Variants in LRRTM4 observed in about 807,000 individuals in gnomAD.
LRRTM4 encodes leucine rich repeat transmembrane neuronal 4, also known as leucine-rich repeat transmembrane neuronal protein 4.
LRRTM4 carries 25 observed loss-of-function variants against 47.6 expected under a neutral mutation model. The observed-to-expected ratio is 0.53, with a 90% confidence interval of 0.38 to 0.73. LRRTM4 has a LOEUF of 0.73. LRRTM4 is among the 30% of genes least tolerant of loss of function. The probability of loss-of-function intolerance (pLI) is 0.00; values close to 1 mark genes in which losing one functional copy is unlikely to be tolerated. For synonymous variants in LRRTM4, 311 were observed against 269.5 expected (o/e 1.15, Z -1.51); for missense variants, 638 against 713.4 (o/e 0.89, Z 1.20).
intron 3 of LRRTM4, among the ~76,000 whole-genome samples, chr2:77,311,089 A>C (rs1420522772): frequency 1.3e-5 from 2 of 152,146 alleles, no homozygotes; most frequent in African/African-American, 4.8e-5. Context: ...GACCTAAAAT[A>C]GACTTTTAAA....
intron 3 of LRRTM4, among the ~76,000 whole-genome samples, chr2:76,806,588 T>C (rs1558666641): frequency 2.9e-5 from 4 of 137,062 alleles, no homozygotes; most frequent in Admixed American, 2.2e-4. Context: ...TCTCAAAACA[T>C]TTTTTTTAAA....
At chr2:77,504,707 G>A (rs1678702122) in intron 3 of LRRTM4, among the ~76,000 whole-genome samples, 1 of 151,438 alleles carries the variant, frequency 6.6e-6, no homozygotes, top group Non-Finnish European at 1.5e-5. Flanking sequence ...CAGACTCAAG[G>A]AGCTGACATC....
intron 3 of LRRTM4, among the ~76,000 whole-genome samples, chr2:77,345,133 A>C (rs1671515812): frequency 6.6e-6 from 1 of 151,712 alleles, no homozygotes; most frequent in African/African-American, 2.4e-5. Flanking sequence ...AAATAGTTTA[A>C]AAGAATAAAA....
intron 3 of LRRTM4, among the ~76,000 whole-genome samples, chr2:76,889,210 T>A (rs1333724405): frequency 6.6e-6 from 1 of 151,988 alleles, no homozygotes; most frequent in Non-Finnish European, 1.5e-5. Context: ...GTTATCTTGA[T>A]CGCCATTTTA....
intron 3 of LRRTM4, among the ~76,000 whole-genome samples, chr2:77,340,246 A>T (rs1671323625): frequency 6.6e-6 from 1 of 151,860 alleles, no homozygotes; most frequent in Non-Finnish European, 1.5e-5. Context: ...GTGGTGGTTG[A>T]GAACCTGGCT....
At chr2:77,500,174 A>G (rs1272919309) in intron 3 of LRRTM4, among the ~76,000 whole-genome samples, 1 of 151,716 alleles carries the variant, frequency 6.6e-6, no homozygotes, top group African/African-American at 2.4e-5. Context: ...ATGTTCTTGG[A>G]CCAAATCACC....
At chr2:76,945,981 A>G (rs1675309996) in intron 3 of LRRTM4, among the ~76,000 whole-genome samples, 1 of 151,924 alleles carries the variant, frequency 6.6e-6, no homozygotes, top group Admixed American at 6.6e-5. Flanking sequence ...TAAAATAGCC[A>G]TGATATTTTA....
chr2:77,309,203 A>T (rs1677377077), intron 3 of LRRTM4, among the ~76,000 whole-genome samples: 1 of 152,178 alleles, frequency 6.6e-6, no homozygotes, highest in South Asian at 2.1e-4. Context: ...TGCACTTTCA[A>T]ATAACATTAG....
chr2:77,160,327 G>C (rs1198459803), intron 3 of LRRTM4, among the ~76,000 whole-genome samples: 2 of 152,076 alleles, frequency 1.3e-5, no homozygotes, highest in Non-Finnish European at 2.9e-5. Flanking sequence ...CTCTCTTCCA[G>C]AGCATTGACA....
At chr2:77,050,264 T>C (rs998916104) in intron 3 of LRRTM4, among the ~76,000 whole-genome samples, 1 of 151,928 alleles carries the variant, frequency 6.6e-6, no homozygotes, top group Non-Finnish European at 1.5e-5. Flanking sequence ...TATTCCTGCA[T>C]GGCAACCATG....
Position 77,017,420 on chromosome 2 carries a change from CTTTTT to C in LRRTM4, c.1552-268509_1552-268505del, listed in dbSNP as rs142555253. Among the ~76,000 whole-genome samples, 1,316 of 152,246 alleles carry C rather than the reference CTTTTT, an allele frequency of 8.6e-3. 18 individuals carry two copies. Among genetic ancestry groups the C allele is most frequent in the African/African-American group, 0.029 (1,204 of 41,562 alleles). Reference sequence around the variant, plus strand: ...ACATCTCCTTTTCCATTTATCTTTTCTTTTTAATTTTAAGAAAACTATAAAAGAAT... The same window carrying C: ...ACATCTCCTTTTCCATTTATCTTTTCAATTTTAAGAAAACTATAAAAGAAT... On this transcript the variant is annotated intron_variant, in intron 3 of 3. Coordinates refer to ENST00000409884, the MANE Select transcript of LRRTM4 (RefSeq NM_001134745.3).
intron 3 of LRRTM4, among the ~76,000 whole-genome samples, chr2:77,385,143 T>C (rs1673213793): frequency 6.6e-6 from 1 of 152,194 alleles, no homozygotes; most frequent in African/African-American, 2.4e-5. Flanking sequence ...TCACAGTGAA[T>C]ATCTGTAGGC....
intron 3 of LRRTM4, among the ~76,000 whole-genome samples, chr2:76,968,383 T>TATACATATATATATATATATATACACAC (rs797010446): frequency 9.0e-6 from 1 of 111,428 alleles, no homozygotes; most frequent in African/African-American, 3.3e-5. Context: ...TATATATATA[T>TATACATATATATATATATATATACACAC]ACACATACAT....
chr2:77,014,899 GA>G (rs1678004862), intron 3 of LRRTM4, among the ~76,000 whole-genome samples: 1 of 152,044 alleles, frequency 6.6e-6, no homozygotes, highest in Admixed American at 6.6e-5. Context: ...TTTTTTCAAA[GA>G]GATTTTTTAT....
intron 3 of LRRTM4, among the ~76,000 whole-genome samples, chr2:77,489,449 G>A (rs893383266): frequency 6.6e-6 from 1 of 152,116 alleles, no homozygotes; most frequent in African/African-American, 2.4e-5. Flanking sequence ...AAAATCAACA[G>A]GAGAAAAACC....
chr2:77,498,980 A>G (rs1402772798), intron 3 of LRRTM4, among the ~76,000 whole-genome samples: 5 of 151,724 alleles, frequency 3.3e-5, no homozygotes, highest in Admixed American at 6.6e-5. Context: ...ATGACATCCA[A>G]CTCCTGAAGT....
intron 3 of LRRTM4, among the ~76,000 whole-genome samples, chr2:77,414,201 T>TA (rs1456443332): frequency 1.3e-5 from 2 of 152,154 alleles, no homozygotes; most frequent in Admixed American, 6.6e-5. Flanking sequence ...CACTTTTTTT[T>TA]AACCTTCCTT....
At chr2:77,421,183 A>C (rs1674866522) in intron 3 of LRRTM4, among the ~76,000 whole-genome samples, 1 of 152,168 alleles carries the variant, frequency 6.6e-6, no homozygotes. Context: ...ATTCCATTTA[A>C]AATTATGAGT....
Position 77,212,024 on chromosome 2 carries a change from G to A in LRRTM4, c.1551+306294C>T, listed in dbSNP as rs1459311047. Among the ~76,000 whole-genome samples, 3 of 151,962 alleles carry A rather than the reference G, an allele frequency of 2.0e-5. No individual in the cohort carries two copies. The East Asian group carries it at 5.8e-4, about 29-fold the overall frequency. ...TCCCAATGGCACCTGAGCATGTTAT[G>A]CATATTGTGATGGATTTCAGGGTTA... is the stretch of plus-strand genomic sequence containing the variant. On this transcript the variant is annotated intron_variant, in intron 3 of 3. Coordinates refer to ENST00000409884, the MANE Select transcript of LRRTM4 (RefSeq NM_001134745.3).
Sources: gnomAD v4.1 joint callset for allele counts (sites outside exome capture counted in the v4.1 genomes callset) on GRCh38, gnomAD v4.1.1 for gene constraint, MANE v1.5 for transcripts, NCBI Gene and HGNC (gene_info 2026-07-23, HGNC 2026-07-21) for gene names.